The following ABCC1 variants were observed in gnomAD, a reference collection of about 807,000 sequenced individuals.
The protein encoded by ABCC1 is multidrug resistance-associated protein 1.
ABCC1 carries 83 observed loss-of-function variants against 172.9 expected under a neutral mutation model. The observed-to-expected ratio is 0.48, with a 90% CI of 0.40 to 0.58. The LOEUF (loss-of-function observed/expected upper bound fraction) is 0.58. Among genes scored for constraint, ABCC1 ranks in the 20% least tolerant of loss-of-function variants. The pLI is 0.00. For missense variants in ABCC1, 1,817 were observed against 2,002.7 expected (o/e 0.91, Z 1.77); for synonymous variants, 937 against 825.2 (o/e 1.14, Z -2.32).
At chr16:16,051,196 G>A (rs544467239) in intron 10 of ABCC1, among the ~76,000 whole-genome samples, 1 of 151,798 alleles carries the variant, frequency 6.6e-6, no homozygotes, top group Non-Finnish European at 1.5e-5. Flanking sequence ...AAGGGACAGA[G>A]TCTTGCTCTG....
chr16:15,989,636 C>T (rs1013230930), intron 1 of ABCC1, among the ~76,000 whole-genome samples: 6 of 152,140 alleles, frequency 3.9e-5, no homozygotes, highest in South Asian at 2.1e-4. Context: ...CTCCAAGCCC[C>T]GTCTGTTCCT....
chr16:15,960,526 C>A (rs1305747166), intron 1 of ABCC1, among the ~76,000 whole-genome samples: 2 of 152,148 alleles, frequency 1.3e-5, no homozygotes, highest in Admixed American at 6.6e-5. Context: ...AGACCAGGCC[C>A]ATGTTCTCAT....
intron 1 of ABCC1, among the ~76,000 whole-genome samples, chr16:16,007,156 G>A (rs2047571283): frequency 1.3e-5 from 2 of 151,844 alleles, no homozygotes; most frequent in African/African-American, 4.8e-5. Flanking sequence ...CTGTTAATGT[G>A]AGATGAGATG....
chr16:15,996,421 A>T (rs2047058903), intron 1 of ABCC1, among the ~76,000 whole-genome samples: 1 of 152,206 alleles, frequency 6.6e-6, no homozygotes. Context: ...CACTGCACCC[A>T]GCTGGTTGTG....
At chr16:16,136,450 T>C in intron 28 of ABCC1, 28 bp from the exon 29 acceptor site, 2 of 1,611,028 alleles carry the variant, frequency 1.2e-6, no homozygotes, top group East Asian at 2.2e-5. Flanking sequence ...AGGTGTCACA[T>C]GCCGTCCACT....
chr16:16,004,307 T>G (rs116814467), intron 1 of ABCC1, among the ~76,000 whole-genome samples: 1 of 152,264 alleles, frequency 6.6e-6, no homozygotes, highest in African/African-American at 2.4e-5. Flanking sequence ...CTATGTCTCT[T>G]GTATACATAA....
At chr16:15,955,604 G>GC (rs1170120720) in intron 1 of ABCC1, among the ~76,000 whole-genome samples, 1 of 152,134 alleles carries the variant, frequency 6.6e-6, no homozygotes, top group Non-Finnish European at 1.5e-5. Flanking sequence ...GCCTGTCCCT[G>GC]CCTCAGGGCC....
At chr16:15,996,367 T>A (rs1489244979) in intron 1 of ABCC1, among the ~76,000 whole-genome samples, 1 of 152,188 alleles carries the variant, frequency 6.6e-6, no homozygotes, top group African/African-American at 2.4e-5. Context: ...CAAACTATCC[T>A]CCTGCCTCTG....
chr16:16,040,339 G>A (rs1444807687), intron 7 of ABCC1, among the ~76,000 whole-genome samples: 2 of 151,934 alleles, frequency 1.3e-5, no homozygotes, highest in Non-Finnish European at 2.9e-5. Context: ...TTAGGCTGGA[G>A]TGCAGTGGTG....
At chr16:16,016,743 A>T (rs1421793411) in intron 5 of ABCC1, 122 bp downstream of exon 5, 3 of 1,378,954 alleles carry the variant, frequency 2.2e-6, no homozygotes, top group Non-Finnish European at 2.0e-6. Flanking sequence ...AACCCCTGAT[A>T]CAGGGAATAT....
chr16:15,958,842 A>C (rs2046064465), intron 1 of ABCC1, among the ~76,000 whole-genome samples: 1 of 152,128 alleles, frequency 6.6e-6, no homozygotes, highest in Non-Finnish European at 1.5e-5. Flanking sequence ...ACAGTTGCTC[A>C]GTGTCGGCCC....
In ABCC1 at chr16:16,008,147, C is replaced by G. The variant is rs140853973; in HGVS notation, c.225+155C>G. Among the ~76,000 whole-genome samples, 268 of 152,072 alleles carry G rather than the reference C, an allele frequency of 1.8e-3. 1 individual carries two copies. The highest frequency in any genetic ancestry group is 5.6e-3 in the African/African-American group (232 of 41,466). ...ATAATGTGGGAGGTGAAAACTGGAGCTCTGGAGACAAACATGGGTACAAAT... is the reference window on the plus strand; with the variant it reads ...ATAATGTGGGAGGTGAAAACTGGAGGTCTGGAGACAAACATGGGTACAAAT... On this transcript the variant is annotated intron_variant, in intron 2 of 30. Transcript: ENST00000399410.
intron 14 of ABCC1, among the ~76,000 whole-genome samples, chr16:16,074,945 TTC>T (rs1397534933): frequency 3.5e-4 from 38 of 108,726 alleles, no homozygotes; most frequent in East Asian, 1.7e-3. Context: ...TTTTTTCTTT[TTC>T]TTTTTTTTTT....
At chr16:16,059,025 G>T (rs184026466) in intron 12 of ABCC1, among the ~76,000 whole-genome samples, 2 of 151,852 alleles carry the variant, frequency 1.3e-5, no homozygotes, top group East Asian at 1.9e-4. Context: ...GGTCTGGTTG[G>T]GGCCTGAGTA....
chr16:16,096,170 A>G (rs1009055713), intron 19 of ABCC1, among the ~76,000 whole-genome samples: 14 of 151,826 alleles, frequency 9.2e-5, no homozygotes, highest in Admixed American at 8.5e-4. Flanking sequence ...CAGAGCTTGC[A>G]GTGAGCCAAG....
At chr16:16,060,609 A>G (rs1233538365) in intron 12 of ABCC1, among the ~76,000 whole-genome samples, 1 of 151,790 alleles carries the variant, frequency 6.6e-6, no homozygotes, top group Admixed American at 6.6e-5. Context: ...TGCAACCTCC[A>G]TCTCCCAGTT....
intron 10 of ABCC1, 117 bp downstream of exon 10, chr16:16,048,420 C>T: frequency 3.3e-6 from 4 of 1,214,856 alleles, no homozygotes; most frequent in South Asian, 2.9e-5. Flanking sequence ...GCAGTTCCGG[C>T]TGTGGTTCAT....
At chr16:16,102,963 T>C (rs1359969541) in intron 20 of ABCC1, among the ~76,000 whole-genome samples, 2 of 152,220 alleles carry the variant, frequency 1.3e-5, no homozygotes, top group Non-Finnish European at 2.9e-5. Context: ...TCCACGCTTC[T>C]GACACTCGGG....
chr16:16,120,096 G>A (rs1278791318), intron 23 of ABCC1, among the ~76,000 whole-genome samples: 2 of 152,024 alleles, frequency 1.3e-5, no homozygotes, highest in African/African-American at 4.8e-5. Flanking sequence ...CGCCCGTGCC[G>A]CCACCCAGGA....
Sources: allele counts gnomAD v4.1 joint callset (sites outside exome capture counted in the v4.1 genomes callset), GRCh38; gene constraint gnomAD v4.1.1; transcripts MANE v1.5; gene names NCBI Gene and HGNC (gene_info 2026-07-23, HGNC 2026-07-21).